Variants in DLG2 observed in about 807,000 individuals in gnomAD.
DLG2 encodes the protein discs large MAGUK scaffold protein 2, also known as disks large homolog 2.
Under a neutral mutation model 132.5 loss-of-function variants are expected in DLG2, and 45 were observed. That is an observed-to-expected ratio of 0.34 (90% CI 0.27 to 0.44). The LOEUF is 0.44. DLG2 is among the 20% of genes least tolerant of loss of function. DLG2 has a pLI of 1.00. For synonymous variants in DLG2, 424 were observed against 419.6 expected, an observed-to-expected ratio of 1.01 and a Z score of -0.13; for missense variants, 1,045 against 1,196.9, an observed-to-expected ratio of 0.87 and a Z score of 1.87.
At chr11:85,433,306 A>C (rs2091294647) in intron 3 of DLG2, among the ~76,000 whole-genome samples, 1 of 152,260 alleles carries the variant, frequency 6.6e-6, no homozygotes, top group South Asian at 2.1e-4. Context: ...AATCAAATTC[A>C]CATATAACAA....
At chr11:83,542,525 T>C (rs542765849) in intron 19 of DLG2, among the ~76,000 whole-genome samples, 1 of 152,286 alleles carries the variant, frequency 6.6e-6, no homozygotes, top group African/African-American at 2.4e-5. Context: ...ACGACAAATA[T>C]TTGTGCTTCC....
intron 9 of DLG2, among the ~76,000 whole-genome samples, chr11:84,150,395 C>T (rs1022371110): frequency 6.6e-6 from 1 of 152,096 alleles, no homozygotes; most frequent in Non-Finnish European, 1.5e-5. Flanking sequence ...TATATAAGTG[C>T]TACTGACTTT....
chr11:84,398,219 C>T (rs1429856728), intron 7 of DLG2, among the ~76,000 whole-genome samples: 2 of 152,118 alleles, frequency 1.3e-5, no homozygotes, highest in African/African-American at 4.8e-5. Context: ...CATCAGATCA[C>T]CTGCAGAGGG....
chr11:84,346,685 C>T (rs2098540737), intron 7 of DLG2, among the ~76,000 whole-genome samples: 1 of 152,314 alleles, frequency 6.6e-6, no homozygotes, highest in Middle Eastern at 3.4e-3. Flanking sequence ...TCAAGCAATT[C>T]TCCTGCCTCA....
At chr11:85,177,521 T>C (rs1566971369) in intron 4 of DLG2, among the ~76,000 whole-genome samples, 1 of 151,730 alleles carries the variant, frequency 6.6e-6, no homozygotes, top group Admixed American at 6.6e-5. Flanking sequence ...GGCCTTACAG[T>C]GGGTGGCAGA....
chr11:85,051,385 T>C (rs2062873057), intron 6 of DLG2, among the ~76,000 whole-genome samples: 1 of 152,168 alleles, frequency 6.6e-6, no homozygotes, highest in Admixed American at 6.6e-5. Flanking sequence ...ATATATACTA[T>C]ATAAATTCCC....
chr11:84,158,112 G>A (rs1216266581), intron 9 of DLG2, among the ~76,000 whole-genome samples: 2 of 151,734 alleles, frequency 1.3e-5, no homozygotes, highest in African/African-American at 2.4e-5. Context: ...TGCCCAGGCT[G>A]GAGTGCAGTG....
chr11:83,544,253 T>G (rs115471815), intron 19 of DLG2, among the ~76,000 whole-genome samples: 3,219 of 152,262 alleles, frequency 0.021, 116 homozygotes, highest in African/African-American at 0.072. Flanking sequence ...TGGTAATAAA[T>G]CATAATCATG....
In DLG2 at chr11:84,323,580, T is replaced by C. The variant is rs151313054; in HGVS notation, c.520-72289A>G. 2.6e-3 allele frequency among the ~76,000 whole-genome samples: 391 copies of C among 152,282 alleles called. 1 individual carries two copies. Among genetic ancestry groups the C allele is most frequent in the African/African-American group, 8.8e-3 (367 of 41,562 alleles). On this transcript the variant is annotated intron_variant, in intron 7 of 27. Transcript: ENST00000376104. ...TCAAAAGTGGTATTGTTGAATTATA[T>C]GGTAGCTCTATTTTTCATTTTTTGG... is the stretch of plus-strand genomic sequence containing the variant.
rs2074722500 is a variant in DLG2, at chr11:83,906,088, TATATATATATATATATA to T, written c.1496+24223_1496+24239del. ...CTCTCTCTCTCTCTCTCTCTATATA[TATATATATATATATATA>T]CATATATAGTTTTGCACTATAAAAG... is the stretch of plus-strand genomic sequence containing the variant. On this transcript the variant is annotated intron_variant, in intron 15 of 27. Transcript: ENST00000376104. Among the ~76,000 whole-genome samples the T allele has an allele frequency of 3.9e-5, 3 of 77,852 alleles. No homozygotes were observed. The East Asian group carries it at 1.6e-3, about 42-fold the overall frequency. The allele number at this position is 77,852 out of a possible 152,430, so 51.1% of individuals were successfully genotyped here.
At chr11:85,163,245 T>A (rs939219679) in intron 4 of DLG2, among the ~76,000 whole-genome samples, 59 of 150,334 alleles carry the variant, frequency 3.9e-4, no homozygotes, top group African/African-American at 1.4e-3. Context: ...ACACACACAC[T>A]ATTAGTTCTG....
chr11:85,114,504 T>C (rs946121347), intron 5 of DLG2, among the ~76,000 whole-genome samples: 5 of 152,000 alleles, frequency 3.3e-5, no homozygotes, highest in African/African-American at 1.2e-4. Context: ...ATTAGTGATA[T>C]GTGACTAGAC....
intron 7 of DLG2, among the ~76,000 whole-genome samples, chr11:84,453,890 G>C (rs2099058308): frequency 6.6e-6 from 1 of 151,574 alleles, no homozygotes; most frequent in Non-Finnish European, 1.5e-5. Flanking sequence ...GAACCTGTTA[G>C]CTATGTTGAG....
chr11:83,874,259 G>GGAGAGAGGGAAGGAAGGAAGGAAA (rs2064147370), intron 16 of DLG2, among the ~76,000 whole-genome samples, 161 bp downstream of exon 16: 1 of 143,888 alleles, frequency 6.9e-6, no homozygotes, highest in African/African-American at 2.6e-5. Context: ...AAGGAAGGAA[G>GGAGAGAGGGAAGGAAGGAAGGAAA]GAAAGAAGGA....
chr11:84,371,099 T>A (rs944890284), intron 7 of DLG2, among the ~76,000 whole-genome samples: 7 of 152,124 alleles, frequency 4.6e-5, no homozygotes, highest in Non-Finnish European at 1.0e-4. Context: ...GTGAATAATG[T>A]TTCTACTGGT....
chr11:85,079,302 T>G (rs2066937150), intron 6 of DLG2, among the ~76,000 whole-genome samples: 2 of 152,014 alleles, frequency 1.3e-5, no homozygotes, highest in Non-Finnish European at 2.9e-5. Context: ...GTAGATTGTC[T>G]TAAGGTCTCT....
Position 84,625,217 on chromosome 11 carries a change from C to T in DLG2, c.358-90486G>A, listed in dbSNP as rs116477593. Among the ~76,000 whole-genome samples, 485 of 152,142 alleles carry T rather than the reference C, an allele frequency of 3.2e-3. 4 individuals are homozygous for T. The highest frequency in any genetic ancestry group is 0.011 in the African/African-American group (454 of 41,492). ...CTTAAAAATTTGAAGAATGAAACAT[C>T]TAAAATTTCACATTACTCCCCCTGA... On this transcript the variant is annotated intron_variant, in intron 6 of 27. Transcript: ENST00000376104.
chr11:83,504,585 C>T (rs181324072), intron 21 of DLG2, among the ~76,000 whole-genome samples: 32 of 152,236 alleles, frequency 2.1e-4, no homozygotes, highest in Admixed American at 2.6e-4. Context: ...TTAACAGAAT[C>T]GTTGTGTCTC....
intron 7 of DLG2, among the ~76,000 whole-genome samples, chr11:84,477,509 A>G (rs2099125016): frequency 6.6e-6 from 1 of 152,084 alleles, no homozygotes; most frequent in South Asian, 2.1e-4. Flanking sequence ...AAAAATAAAT[A>G]AATAAATAAT....
Sources: allele counts gnomAD v4.1 joint callset (sites outside exome capture counted in the v4.1 genomes callset), GRCh38; gene constraint gnomAD v4.1.1; transcripts MANE v1.5; gene names NCBI Gene and HGNC (gene_info 2026-07-23, HGNC 2026-07-21).